LRRC36: variants seen among roughly 807,000 people sequenced by gnomAD.
LRRC36 encodes leucine-rich repeat-containing protein 36.
A neutral mutation model predicts 81.1 loss-of-function variants in LRRC36; 62 were observed. That is an observed-to-expected ratio of 0.76 (90% CI 0.62 to 0.94). The LOEUF (loss-of-function observed/expected upper bound fraction) is 0.94. LRRC36 is among the 40% of genes least tolerant of loss of function. The pLI, the probability that LRRC36 is intolerant of heterozygous loss-of-function variation, is 0.00. For missense variants in LRRC36, 761 were observed against 881.7 expected (o/e 0.86, Z 1.73); for synonymous variants, 334 against 348.6 (o/e 0.96, Z 0.47).
At chr16:67,380,506 C>T (rs564879901) in intron 12 of LRRC36, among the ~76,000 whole-genome samples, 2 of 152,304 alleles carry the variant, frequency 1.3e-5, no homozygotes, top group East Asian at 3.9e-4. Flanking sequence ...CTTAGCACCC[C>T]TAAGCAAATT....
chr16:67,352,239 G>A (rs2038679887), intron 5 of LRRC36, among the ~76,000 whole-genome samples: 1 of 152,160 alleles, frequency 6.6e-6, no homozygotes, highest in South Asian at 2.1e-4. Flanking sequence ...AAACGTTAAG[G>A]AGCTTTGTTT....
rs1276107707 is a variant in LRRC36, at chr16:67,384,885, T to C, written c.2061T>C (p.Thr687=). 6.2e-7 allele frequency: 1 copy of C among 1,614,164 alleles called. No individual in the cohort carries two copies. The highest frequency in any genetic ancestry group is 1.7e-5 in the Admixed American group (1 of 60,024). Residue 687 remains threonine, a synonymous_variant, in exon 14 of 14, where the codon ACT becomes ACC. Coordinates refer to ENST00000329956, the MANE Select transcript of LRRC36 (RefSeq NM_018296.6). ...LHESQRSLVV[T]NEYLLQQLNK... ...TGGGCCTCAGATCCCTGGTGGTAAC[T>C]AATGAGTATCTGCTGCAGCAGCTGA...
intron 10 of LRRC36, among the ~76,000 whole-genome samples, chr16:67,375,734 C>T (rs1007402709): frequency 2.6e-5 from 4 of 151,922 alleles, no homozygotes; most frequent in Non-Finnish European, 5.9e-5. Flanking sequence ...ATTTTGTGAT[C>T]CTTGGGAAAG....
Position 67,373,743 on chromosome 16 carries a change from T to C in LRRC36, c.1495-1504T>C, listed in dbSNP as rs1027516343. On this transcript the variant is annotated intron_variant, in intron 9 of 13. Transcript: ENST00000329956. ...AAAAAAAAAAAAAAGCCAGGCACGG[T>C]GGCTCATGCCTGTAATCCCAGCACT... Among the ~76,000 whole-genome samples the C allele has an allele frequency of 3.0e-5, 4 of 134,464 alleles. No homozygotes were observed. In the Admixed American group the frequency reaches 3.1e-4, roughly 10 times the overall value. 88.2% of individuals were successfully genotyped at this position (134,464 alleles called of 152,430 possible).
intron 10 of LRRC36, 41 bp from the exon 11 acceptor site, chr16:67,376,685 CT>C (rs751798660): frequency 3.3e-5 from 52 of 1,590,388 alleles, no homozygotes; most frequent in Non-Finnish European, 2.6e-6. Flanking sequence ...TGTGCCTTAG[CT>C]TTTAAGATTG....
intron 5 of LRRC36, among the ~76,000 whole-genome samples, chr16:67,355,193 G>A (rs1309537381): frequency 6.6e-6 from 1 of 151,990 alleles, no homozygotes; most frequent in Non-Finnish European, 1.5e-5. Context: ...CCAAGTTTTG[G>A]CAATTATGAC....
chr16:67,347,741 T>G (rs1359201497), intron 4 of LRRC36, 150 bp downstream of exon 4: 2 of 588,036 alleles, frequency 3.4e-6, no homozygotes, highest in Non-Finnish European at 6.0e-6. Context: ...TTCTGCAAAC[T>G]GAGATTTATC....
At chr16:67,360,344 T>C (rs538743008) in intron 5 of LRRC36, among the ~76,000 whole-genome samples, 6 of 152,122 alleles carry the variant, frequency 3.9e-5, no homozygotes, top group African/African-American at 1.4e-4. Flanking sequence ...AACCAAGACA[T>C]AGGTTGAAAG....
intron 9 of LRRC36, among the ~76,000 whole-genome samples, chr16:67,373,707 CAAAA>C (rs552146686): frequency 2.5e-4 from 9 of 35,406 alleles, no homozygotes; most frequent in East Asian, 1.1e-3. Context: ...GACTCTGTCT[CAAAA>C]AAAAAAAAAA....
intron 5 of LRRC36, among the ~76,000 whole-genome samples, chr16:67,361,108 G>C (rs1183594626): frequency 2.0e-5 from 3 of 151,962 alleles, no homozygotes; most frequent in African/African-American, 7.2e-5. Flanking sequence ...GCACAATCTT[G>C]GTTCATTGCA....
chr16:67,378,024 T>A lies in LRRC36; in HGVS notation c.1807-565T>A, dbSNP rs544021830. Among the ~76,000 whole-genome samples, 154 of 152,330 alleles carry A rather than the reference T, an allele frequency of 1.0e-3. 1 individual carries two copies. The highest frequency in any genetic ancestry group is 1.9e-3 in the Non-Finnish European group (132 of 68,030). On this transcript the variant is annotated intron_variant, in intron 11 of 13. Coordinates refer to ENST00000329956, the MANE Select transcript of LRRC36 (RefSeq NM_018296.6). ...GATCACTAAGAATGCTGGCCATTTG[T>A]CAAAATGACAAATGTTTGTTCTGCA...
In LRRC36 at chr16:67,367,389, G is replaced by A. The variant is rs138039978; in HGVS notation, c.1127G>A (p.Cys376Tyr). Residue 376 changes from cysteine (C) to tyrosine (Y), a missense_variant, in exon 8 of 14, where the codon TGT (cysteine) becomes TAT (tyrosine). Physicochemically the swap from Cys to Tyr is radical, Grantham distance 194. This residue lies in a region of LRRC36 where 139 missense variants were observed against 214.0 expected (regional missense o/e 0.65). Transcript: ENST00000329956. The part of the protein sequence containing the change: ...NDIKTTASHS[C>Y]GDLLTSLSNP... Reference sequence around the variant, plus strand: ...ATAAAGACCACCGCTTCACATTCCTGTGGAGACTTATTAACTTCTCTGTCA... The same window carrying A: ...ATAAAGACCACCGCTTCACATTCCTATGGAGACTTATTAACTTCTCTGTCA... 3.5e-5 allele frequency: 56 copies of A among 1,614,192 alleles called. No homozygotes were observed. In the African/African-American group the frequency reaches 5.1e-4, roughly 15 times the overall value.
intron 13 of LRRC36, among the ~76,000 whole-genome samples, chr16:67,384,435 GA>G (rs898600547): frequency 8.0e-5 from 12 of 149,658 alleles, no homozygotes; most frequent in South Asian, 6.3e-4. Context: ...ACTCTATCTC[GA>G]AAAAAAAAAT....
intron 13 of LRRC36, among the ~76,000 whole-genome samples, chr16:67,383,431 C>G (rs1328884544): frequency 6.6e-6 from 1 of 152,162 alleles, no homozygotes; most frequent in South Asian, 2.1e-4. Context: ...CAAATTAACT[C>G]GAAGGACGTG....
Position 67,376,838 on chromosome 16 carries a change from T to C in LRRC36, c.1772T>C (p.Leu591Pro). The C allele has an allele frequency of 6.2e-7, 1 of 1,613,604 alleles. No homozygotes were observed. The highest frequency in any genetic ancestry group is 8.5e-7 in the Non-Finnish European group (1 of 1,179,532). Residue 591 changes from leucine to proline, a missense_variant, in exon 11 of 14, where the codon CTG (leucine) becomes CCG (proline). Transcript: ENST00000329956. Reference sequence around the variant, plus strand: ...GCATTCTGCAGGAGGGAGCTTGAACTGAAGGAGGCTGCGCAGCTGGTCCCT... The same window carrying C: ...GCATTCTGCAGGAGGGAGCTTGAACCGAAGGAGGCTGCGCAGCTGGTCCCT... ...MKAFCRRELE[L>P]KEAAQLVPND...
chr16:67,364,481 T>C (rs2039296872), intron 6 of LRRC36, among the ~76,000 whole-genome samples: 1 of 152,192 alleles, frequency 6.6e-6, no homozygotes, highest in African/African-American at 2.4e-5. Context: ...AAGACTGAAT[T>C]AGTAAAAAGT....
chr16:67,372,501 T>C (rs1410252030), intron 9 of LRRC36, among the ~76,000 whole-genome samples: 1 of 152,232 alleles, frequency 6.6e-6, no homozygotes, highest in Non-Finnish European at 1.5e-5. Context: ...TCTCCTCTCT[T>C]GTCTTTTTGA....
At chr16:67,375,911 T>C (rs1164624308) in intron 10 of LRRC36, among the ~76,000 whole-genome samples, 1 of 152,248 alleles carries the variant, frequency 6.6e-6, no homozygotes, top group Non-Finnish European at 1.5e-5. Context: ...GTTGGCTTCA[T>C]GCATTTATTT....
intron 11 of LRRC36, 143 bp downstream of exon 11, chr16:67,377,015 C>G (rs2039927177): frequency 1.2e-6 from 1 of 858,626 alleles, no homozygotes; most frequent in Non-Finnish European, 1.7e-6. Flanking sequence ...CTTGCTAGGA[C>G]AGGGACAACT....
Sources: allele counts gnomAD v4.1 joint callset (sites outside exome capture counted in the v4.1 genomes callset), GRCh38; gene constraint gnomAD v4.1.1; regional missense constraint gnomAD v4.1.1; transcripts MANE v1.5; gene names NCBI Gene and HGNC (gene_info 2026-07-23, HGNC 2026-07-21).